The following RAD54L variants were observed in gnomAD, a reference collection of about 807,000 sequenced individuals.
The protein encoded by RAD54L is DNA repair and recombination protein RAD54-like.
In RAD54L, 74 loss-of-function variants were observed where a neutral mutation model predicts 91.6. The observed-to-expected ratio is 0.81, with a 90% CI of 0.67 to 0.98. The LOEUF (loss-of-function observed/expected upper bound fraction) is 0.98, where lower values mean the gene tolerates loss of function less well. RAD54L is among the 50% of genes least tolerant of loss of function. The pLI is 0.00. For synonymous variants in RAD54L, 304 were observed against 349.7 expected (o/e 0.87, Z 1.46); for missense variants, 887 against 945.7 (o/e 0.94, Z 0.81).
chr1:46,274,210 T>A lies in RAD54L; in HGVS notation c.1683T>A (p.Ser561Arg). 1.9e-6 allele frequency: 3 copies of A among 1,611,628 alleles called. No individual in the cohort carries two copies. The highest frequency in any genetic ancestry group is 2.5e-6 in the Non-Finnish European group (3 of 1,177,724). The change falls in exon 15 of 18, where the codon AGT (serine) becomes AGA (arginine). Residue 561 changes from serine to arginine, a missense_variant. Coordinates refer to ENST00000371975, the MANE Select transcript of RAD54L (RefSeq NM_003579.4). ...KRAKVVERFNSPSSPDFVFML... is the reference protein window; with the variant it reads ...KRAKVVERFNRPSSPDFVFML... ...CCAAGGTTGTAGAACGCTTCAATAGTCCATCGGTAAATGCACATCCCCGTC... is the reference window on the plus strand; with the variant it reads ...CCAAGGTTGTAGAACGCTTCAATAGACCATCGGTAAATGCACATCCCCGTC...
At chr1:46,254,496 TAG>T (rs1358329397) in intron 3 of RAD54L, among the ~76,000 whole-genome samples, 1 of 151,772 alleles carries the variant, frequency 6.6e-6, no homozygotes, top group East Asian at 1.9e-4. Context: ...CTCATTAGCA[TAG>T]ATAAATTTTA....
At position 46,248,568 on chromosome 1, in the gene RAD54L, TG is replaced by T. The variant is rs1659714052; in HGVS notation, c.61del (p.Asp21MetfsTer9). ...AGAGAAAACCTGAAGGCAGGTCCTG[TG>T]ATGATGAAGACTGGCAACCTGGCCT... ...AKRKPEGRSC[D>X]DEDWQPGLVT... On this transcript the variant is annotated frameshift_variant, in exon 2 of 18. Coordinates refer to ENST00000371975, the MANE Select transcript of RAD54L (RefSeq NM_003579.4). LOFTEE classifies it high-confidence loss of function. 6.2e-7 allele frequency: 1 copy of T among 1,613,990 alleles called. No homozygotes were observed. The highest frequency in any genetic ancestry group is 2.2e-5 in the East Asian group (1 of 44,856).
At chr1:46,268,561 G>T (rs919671637) in intron 9 of RAD54L, among the ~76,000 whole-genome samples, 3 of 151,940 alleles carry the variant, frequency 2.0e-5, no homozygotes, top group Non-Finnish European at 4.4e-5. Flanking sequence ...CTTTTGTCCC[G>T]GCAGCAAACT....
At chr1:46,274,328 T>C (rs1478934459) in intron 15 of RAD54L, 112 bp downstream of exon 15, 4 of 1,273,942 alleles carry the variant, frequency 3.1e-6, no homozygotes, top group Non-Finnish European at 3.4e-6. Flanking sequence ...ATTCCCCTAG[T>C]GGATATAGTA....
In RAD54L at chr1:46,261,278, C is replaced by A; in HGVS notation, c.784C>A (p.Arg262Ser). The change falls in exon 8 of 18, where the codon CGT becomes AGT. Residue 262 changes from arginine (R) to serine (S), a missense_variant. Arg to Ser is a moderately radical substitution (Grantham distance 110). Transcript: ENST00000371975. ...TGTTGTAGAAGGATTCATGAACCAGCGTGGAGCCAGGGTGTCTTCTCCCAT... is the reference window on the plus strand; with the variant it reads ...TGTTGTAGAAGGATTCATGAACCAGAGTGGAGCCAGGGTGTCTTCTCCCAT... ...DQKLEGFMNQRGARVSSPILI... is the reference protein window; with the variant it reads ...DQKLEGFMNQSGARVSSPILI... 1 of 1,612,702 alleles carries A rather than the reference C, an allele frequency of 6.2e-7. No individual in the cohort carries two copies. The highest frequency in any genetic ancestry group is 1.3e-5 in the African/African-American group (1 of 74,326).
At chr1:46,277,678 A>AATG (rs1300804122) in intron 16 of RAD54L, 139 bp from the exon 17 acceptor site, 5 of 970,708 alleles carry the variant, frequency 5.2e-6, no homozygotes, top group Non-Finnish European at 8.0e-6. Flanking sequence ...GAGTAGAGAT[A>AATG]ATGTTCTGGG....
chr1:46,277,912 C>G lies in RAD54L; in HGVS notation c.1965C>G (p.His655Gln), dbSNP rs1660663926. Residue 655 changes from histidine (H) to glutamine (Q), a missense_variant, in exon 17 of 18, where the codon CAC becomes CAG. Coordinates refer to ENST00000371975, the MANE Select transcript of RAD54L (RefSeq NM_003579.4). ...ATGAGGAGCAGGATGTAGAGCGCCA[C>G]TTCTCTCTGGGCGAGTTGAAGGAGC... is the stretch of plus-strand genomic sequence containing the variant. ...VVDEEQDVER[H>Q]FSLGELKELF... 3 of 1,614,122 alleles carry G rather than the reference C, an allele frequency of 1.9e-6. No individual in the cohort carries two copies. Among genetic ancestry groups the G allele is most frequent in the Non-Finnish European group, 2.5e-6 (3 of 1,180,026 alleles).
rs1557708346 is a variant in RAD54L at position 46,274,143 on chromosome 1, T to TA, written c.1617dup (p.Tyr540IlefsTer11). 6.2e-7 allele frequency: 1 copy of TA among 1,612,754 alleles called. No homozygotes were observed. The highest frequency in any genetic ancestry group is 1.7e-5 in the Admixed American group (1 of 60,016). ...GGTCTCGAATCCCCCTTCAGGTACTTATACGTCCGCCTGGATGGCACGATG... is the reference window on the plus strand; with the variant it reads ...GGTCTCGAATCCCCCTTCAGGTACTTAATACGTCCGCCTGGATGGCACGATG... On this transcript the variant is annotated frameshift_variant, in exon 15 of 18. Transcript: ENST00000371975. LOFTEE classifies it high-confidence loss of function.
At position 46,267,583 on chromosome 1, in the gene RAD54L, T is replaced by C. The variant is rs746152916; in HGVS notation, c.1016T>C (p.Val339Ala). 3.7e-6 allele frequency: 6 copies of C among 1,613,034 alleles called. No individual in the cohort carries two copies. In the African/African-American group the frequency reaches 8.0e-5, roughly 22 times the overall value. Reference protein sequence around the residue: ...QNDLLEYFSLVHFVNSGILGT... With the variant: ...QNDLLEYFSLAHFVNSGILGT... ...GATCTGCTTGAGTATTTCAGCTTGGTACATTTTGTTAATTCCGGCATCCTA... is the reference window on the plus strand; with the variant it reads ...GATCTGCTTGAGTATTTCAGCTTGGCACATTTTGTTAATTCCGGCATCCTA... Residue 339 changes from valine (V) to alanine (A), a missense_variant, in exon 9 of 18, where the codon GTA (valine) becomes GCA (alanine). Val to Ala is a moderately conservative substitution (Grantham distance 64). Coordinates refer to ENST00000371975, the MANE Select transcript of RAD54L (RefSeq NM_003579.4).
chr1:46,276,211 T>C (rs1406844321), intron 16 of RAD54L, among the ~76,000 whole-genome samples: 5 of 152,184 alleles, frequency 3.3e-5, no homozygotes, highest in African/African-American at 1.2e-4. Flanking sequence ...ACACTTTCTT[T>C]CTGTTGCCTA....
At chr1:46,270,380 C>G (rs1328070574) in intron 9 of RAD54L, among the ~76,000 whole-genome samples, 2 of 151,972 alleles carry the variant, frequency 1.3e-5, no homozygotes, top group African/African-American at 4.8e-5. Context: ...AAAAAATCCA[C>G]TCTGGCCATG....
chr1:46,254,623 G>T (rs1659891493), intron 3 of RAD54L, among the ~76,000 whole-genome samples: 1 of 141,544 alleles, frequency 7.1e-6, no homozygotes. Flanking sequence ...GGGTCTTGCT[G>T]TGTCACCCAG....
At position 46,260,028 on chromosome 1, in the gene RAD54L, C is replaced by G. The variant is rs370673878; in HGVS notation, c.336C>G (p.Pro112=). 3.1e-6 allele frequency: 5 copies of G among 1,614,008 alleles called. No homozygotes were observed. The African/African-American group carries it at 5.3e-5, about 17-fold the overall frequency. The change falls in exon 5 of 18, where the codon CCC becomes CCG. Residue 112 remains proline (P), a synonymous_variant. Coordinates refer to ENST00000371975, the MANE Select transcript of RAD54L (RefSeq NM_003579.4). ...GGGTCCGCCGGGCCCTCCATGACCC[C>G]CTGGAAAAAGATGCCTTGGTTCTGT... is the stretch of plus-strand genomic sequence containing the variant. ...RAGVRRALHD[P]LEKDALVLYE...
intron 10 of RAD54L, among the ~76,000 whole-genome samples, chr1:46,271,792 A>C (rs1660434639): frequency 6.6e-6 from 1 of 152,264 alleles, no homozygotes; most frequent in Admixed American, 6.5e-5. Context: ...GCCATGTAGC[A>C]GCGGGCATTT....
At chr1:46,257,433 G>A (rs984310472) in intron 3 of RAD54L, among the ~76,000 whole-genome samples, 1 of 152,066 alleles carries the variant, frequency 6.6e-6, no homozygotes, top group Non-Finnish European at 1.5e-5. Flanking sequence ...TCACAGTTCC[G>A]CAAAGGGCTC....
intron 11 of RAD54L, 42 bp from the exon 12 acceptor site, chr1:46,272,630 G>A: frequency 6.2e-7 from 1 of 1,614,148 alleles, no homozygotes; most frequent in Admixed American, 1.7e-5. Context: ...GAGGGCAGGA[G>A]GGTGGTCTAG....
Position 46,260,793 on chromosome 1 carries a change from G to A in RAD54L, c.544G>A (p.Ala182Thr), listed in dbSNP as rs761505110. ...RIPGSHGCIM[A>T]DEMGLGKTLQ... ...CCCTGGCAGCCATGGCTGCATCATG[G>A]CTGATGAGATGGGCCTAGGAAAGAC... Residue 182 changes from alanine to threonine, a missense_variant, in exon 7 of 18, where the codon GCT becomes ACT. Transcript: ENST00000371975. 1.9e-6 allele frequency: 3 copies of A among 1,614,216 alleles called. No individual in the cohort carries two copies. Among genetic ancestry groups the A allele is most frequent in the South Asian group, 2.2e-5 (2 of 91,092 alleles).
At chr1:46,274,057 T>C in intron 14 of RAD54L, 81 bp from the exon 15 acceptor site, 2 of 1,397,576 alleles carry the variant, frequency 1.4e-6, no homozygotes, top group Non-Finnish European at 2.0e-6. Flanking sequence ...CTTGGGTCTT[T>C]TTAAAAAAAT....
intron 10 of RAD54L, among the ~76,000 whole-genome samples, chr1:46,272,214 C>T (rs997480250): frequency 2.0e-5 from 3 of 151,478 alleles, no homozygotes; most frequent in Non-Finnish European, 2.9e-5. Flanking sequence ...GGCTAATTTT[C>T]GTATTTTTAG....
Sources: gnomAD v4.1 joint callset for allele counts (sites outside exome capture counted in the v4.1 genomes callset) on GRCh38, gnomAD v4.1.1 for gene constraint, MANE v1.5 for transcripts, NCBI Gene and HGNC (gene_info 2026-07-23, HGNC 2026-07-21) for gene names.